Variants in ZFAND6 observed in about 807,000 individuals in gnomAD.
ZFAND6 encodes zinc finger AN1-type containing 6.
ZFAND6 carries 12 observed loss-of-function variants against 24.5 expected under a neutral mutation model. The ratio of observed to expected loss-of-function variants is 0.49; its 90% CI spans 0.31 to 0.79. The LOEUF (loss-of-function observed/expected upper bound fraction) is 0.79, where lower values mean the gene tolerates loss of function less well. Ranked by LOEUF, ZFAND6 falls within the 30% of genes least tolerant of loss-of-function variation. ZFAND6 has a pLI of 0.04. For synonymous variants in ZFAND6, 92 were observed against 81.5 expected, an observed-to-expected ratio of 1.13 and a Z score of -0.69; for missense variants, 207 against 245.9, an observed-to-expected ratio of 0.84 and a Z score of 1.06.
chr15:80,063,537 A>G (rs4778744), intron 1 of ZFAND6, among the ~76,000 whole-genome samples: 89,455 of 150,670 alleles, frequency 0.59, 27,691 homozygotes, highest in Admixed American at 0.7. Context: ...GACTACAGAC[A>G]TGCACCACCA....
intron 1 of ZFAND6, among the ~76,000 whole-genome samples, chr15:80,094,329 G>T (rs2038577418): frequency 1.3e-5 from 2 of 151,966 alleles, no homozygotes; most frequent in African/African-American, 4.8e-5. Context: ...TGTCAGATCA[G>T]CAACACTGGA....
chr15:80,106,499 T>C (rs1018145021), intron 2 of ZFAND6, among the ~76,000 whole-genome samples: 1 of 152,028 alleles, frequency 6.6e-6, no homozygotes, highest in Admixed American at 6.6e-5. Context: ...TCTGGTGCTT[T>C]AGAGAAAAAA....
intron 1 of ZFAND6, among the ~76,000 whole-genome samples, chr15:80,071,660 T>C (rs2036985219): frequency 6.6e-6 from 1 of 151,854 alleles, no homozygotes; most frequent in Admixed American, 6.6e-5. Context: ...CGTAGCTTAG[T>C]GAGAAGTTTA....
chr15:80,122,572 TA>T (rs1434024353), intron 4 of ZFAND6, 127 bp from the exon 5 acceptor site: 56 of 604,064 alleles, frequency 9.3e-5, no homozygotes, highest in South Asian at 1.3e-4. Flanking sequence ...TTTAAGTTAT[TA>T]AAAAAAAGTA....
At chr15:80,064,000 A>G (rs2036475759) in intron 1 of ZFAND6, among the ~76,000 whole-genome samples, 2 of 152,230 alleles carry the variant, frequency 1.3e-5, no homozygotes, top group African/African-American at 2.4e-5. Flanking sequence ...GACTGGCCAC[A>G]TTTCAAGTGC....
intron 2 of ZFAND6, among the ~76,000 whole-genome samples, chr15:80,117,652 T>C (rs2039942847): frequency 6.6e-6 from 1 of 152,218 alleles, no homozygotes; most frequent in Non-Finnish European, 1.5e-5. Flanking sequence ...GTCTTCATAC[T>C]TCTTTACACA....
At chr15:80,128,787 AAAAG>A (rs1383400783) in intron 5 of ZFAND6, among the ~76,000 whole-genome samples, 1 of 152,208 alleles carries the variant, frequency 6.6e-6, no homozygotes, top group Non-Finnish European at 1.5e-5. Context: ...GCCTCAGTTA[AAAAG>A]AAACCATTGG....
chr15:80,121,485 T>C (rs1201768865), intron 3 of ZFAND6, among the ~76,000 whole-genome samples: 1 of 152,222 alleles, frequency 6.6e-6, no homozygotes, highest in Admixed American at 6.5e-5. Context: ...AATAGGAGTT[T>C]ATTAATGTAT....
intron 1 of ZFAND6, among the ~76,000 whole-genome samples, chr15:80,086,697 TTAAA>T (rs2038027489): frequency 6.6e-6 from 1 of 152,246 alleles, no homozygotes; most frequent in Non-Finnish European, 1.5e-5. Context: ...TAAACTGTTT[TTAAA>T]TAGACCATTC....
At chr15:80,089,981 TA>T (rs774789500) in intron 1 of ZFAND6, among the ~76,000 whole-genome samples, 228 of 152,324 alleles carry the variant, frequency 1.5e-3, no homozygotes, top group Admixed American at 2.7e-3. Context: ...TCTCCCACCA[TA>T]AACCAAAACA....
At chr15:80,061,260 G>C (rs1448627826) in intron 1 of ZFAND6, among the ~76,000 whole-genome samples, 1 of 152,112 alleles carries the variant, frequency 6.6e-6, no homozygotes, top group Non-Finnish European at 1.5e-5. Context: ...TTATTATCTT[G>C]TAGTGATAAC....
At chr15:80,070,048 A>G (rs1424254191) in intron 1 of ZFAND6, among the ~76,000 whole-genome samples, 1 of 152,226 alleles carries the variant, frequency 6.6e-6, no homozygotes, top group African/African-American at 2.4e-5. Flanking sequence ...GAAAATGCCC[A>G]GGATTAATTT....
intron 1 of ZFAND6, among the ~76,000 whole-genome samples, chr15:80,083,479 G>A (rs1236570655): frequency 1.3e-5 from 2 of 152,198 alleles, no homozygotes; most frequent in Non-Finnish European, 2.9e-5. Context: ...GATTATCATT[G>A]GAGCAGAGTC....
chr15:80,069,344 T>C (rs929768061), intron 1 of ZFAND6, among the ~76,000 whole-genome samples: 2 of 152,212 alleles, frequency 1.3e-5, no homozygotes, highest in African/African-American at 4.8e-5. Flanking sequence ...CATTAATCAG[T>C]GACCTTGTTT....
chr15:80,079,378 G>A (rs533339408), intron 1 of ZFAND6, among the ~76,000 whole-genome samples: 148 of 151,680 alleles, frequency 9.8e-4, no homozygotes, highest in African/African-American at 3.4e-3. Context: ...CCGCCACCAC[G>A]CTTGGCTAAT....
In ZFAND6 at chr15:80,122,793, T is replaced by G; in HGVS notation, c.357T>G (p.Asp119Glu). 1 of 1,611,212 alleles carries G rather than the reference T, an allele frequency of 6.2e-7. No homozygotes were observed. The highest frequency in any genetic ancestry group is 1.3e-5 in the African/African-American group (1 of 74,972). Residue 119 changes from aspartate to glutamate, a missense_variant, in exon 5 of 7, where the codon GAT (aspartate) becomes GAG (glutamate). Around this residue, in one of 3 missense-constraint regions of ZFAND6, gnomAD observed 133 missense variants for 122.8 expected, o/e 1.08. Coordinates refer to ENST00000261749, the MANE Select transcript of ZFAND6 (RefSeq NM_019006.4). ...SVDKAVPETEDVQASVSDTAQ... is the reference protein window; with the variant it reads ...SVDKAVPETEEVQASVSDTAQ... ...ACAAAGCAGTACCTGAAACAGAAGATGTGCAGGGTTTGTATATGAACTAGC... is the reference window on the plus strand; with the variant it reads ...ACAAAGCAGTACCTGAAACAGAAGAGGTGCAGGGTTTGTATATGAACTAGC...
At chr15:80,064,579 C>G (rs892072018) in intron 1 of ZFAND6, among the ~76,000 whole-genome samples, 21 of 146,406 alleles carry the variant, frequency 1.4e-4, no homozygotes, top group African/African-American at 4.8e-4. Context: ...TATACATATA[C>G]ACACAAATAT....
chr15:80,059,243 C>T (rs2036195486), upstream of ZFAND6, among the ~76,000 whole-genome samples: 1 of 152,204 alleles, frequency 6.6e-6, no homozygotes, highest in Non-Finnish European at 1.5e-5. Context: ...TGGAGTGCAA[C>T]TCTTTTTGGT....
At chr15:80,097,590 A>T (rs981280409) in intron 1 of ZFAND6, among the ~76,000 whole-genome samples, 2 of 152,152 alleles carry the variant, frequency 1.3e-5, no homozygotes, top group Non-Finnish European at 2.9e-5. Context: ...CAGAGGTTGC[A>T]GTGAGCCAAG....
Sources: allele counts gnomAD v4.1 joint callset (sites outside exome capture counted in the v4.1 genomes callset), GRCh38; gene constraint gnomAD v4.1.1; regional missense constraint gnomAD v4.1.1; transcripts MANE v1.5; gene names NCBI Gene and HGNC (gene_info 2026-07-23, HGNC 2026-07-21).